Variants in STK17A observed in about 807,000 individuals in gnomAD.
STK17A encodes the protein serine/threonine-protein kinase 17A.
In STK17A, 26 loss-of-function variants were observed where a neutral mutation model predicts 43.7. The observed-to-expected ratio is 0.60, with a 90% confidence interval of 0.44 to 0.83. The LOEUF is 0.83. STK17A is among the 40% of genes least tolerant of loss of function. STK17A has a pLI of 0.00. For synonymous variants in STK17A, 191 were observed against 182.5 expected (o/e 1.05, Z -0.38); for missense variants, 476 against 511.6 (o/e 0.93, Z 0.67).
intron 2 of STK17A, among the ~76,000 whole-genome samples, chr7:43,604,505 C>T (rs137995981): frequency 6.6e-6 from 1 of 152,290 alleles, no homozygotes; most frequent in African/African-American, 2.4e-5. Flanking sequence ...ATTCTTGGCA[C>T]ACTGCTTTTT....
chr7:43,599,845 A>G (rs80298141), intron 2 of STK17A, among the ~76,000 whole-genome samples: 130 of 152,256 alleles, frequency 8.5e-4, no homozygotes, highest in African/African-American at 2.9e-3. Flanking sequence ...TCAGAACCCC[A>G]GGGAGTGGGA....
Position 43,623,846 on chromosome 7 carries a change from C to T in STK17A, c.878C>T (p.Ser293Leu), listed in dbSNP as rs770191727. The T allele has an allele frequency of 5.0e-6, 8 of 1,594,024 alleles. No homozygotes were observed. The highest frequency in any genetic ancestry group is 1.3e-5 in the African/African-American group (1 of 74,428). The change falls in exon 6 of 7, where the codon TCG becomes TTG. Residue 293 changes from serine to leucine, a missense_variant. Ser to Leu is a moderately radical substitution (Grantham distance 145). Transcript: ENST00000319357. Reference protein sequence around the residue: ...SEEEFDVLSESAVDFIRTLLV... With the variant: ...SEEEFDVLSELAVDFIRTLLV... ...GAAGAATTTGATGTTTTGTCTGAGT[C>T]GGCTGTTGATTTCATCAGGACACTT...
At chr7:43,594,899 GA>G (rs751295514) in intron 1 of STK17A, among the ~76,000 whole-genome samples, 9 of 141,488 alleles carry the variant, frequency 6.4e-5, no homozygotes, top group African/African-American at 1.3e-4. Context: ...AAGAAAGAAA[GA>G]AAAGAAAAGA....
At chr7:43,614,827 T>G (rs1464480387) in intron 3 of STK17A, among the ~76,000 whole-genome samples, 2 of 152,236 alleles carry the variant, frequency 1.3e-5, no homozygotes, top group African/African-American at 2.4e-5. Context: ...CACACTGATT[T>G]AGGATTTACA....
intron 1 of STK17A, among the ~76,000 whole-genome samples, chr7:43,587,065 G>A (rs1357150157): frequency 6.7e-6 from 1 of 148,420 alleles, no homozygotes; most frequent in Admixed American, 6.7e-5. Context: ...CACCACACAT[G>A]TTTTTCAAAG....
intron 3 of STK17A, among the ~76,000 whole-genome samples, chr7:43,610,003 T>C (rs2082706637): frequency 6.6e-6 from 1 of 152,196 alleles, no homozygotes; most frequent in Admixed American, 6.5e-5. Flanking sequence ...TGATTCAGGG[T>C]AGGGCAAGGC....
chr7:43,612,147 C>T (rs2082937997), intron 3 of STK17A, among the ~76,000 whole-genome samples: 1 of 152,186 alleles, frequency 6.6e-6, no homozygotes, highest in Admixed American at 6.5e-5. Context: ...ATGACGATGA[C>T]AGGCCTTTGA....
rs1377254973 is a variant in STK17A, at chr7:43,587,139, T to A, written c.206+3690T>A. On this transcript the variant is annotated intron_variant, in intron 1 of 6. Transcript: ENST00000319357. ...CCTGTCATTTTAATGAAATGATATG[T>A]TTTTATTGTTTTTTGTTTTTTTTTT... Among the ~76,000 whole-genome samples, 3 of 143,574 alleles carry A rather than the reference T, an allele frequency of 2.1e-5. 1 individual carries two copies. The highest frequency in any genetic ancestry group is 4.6e-5 in the Non-Finnish European group (3 of 65,228). The allele number at this position is 143,574 out of a possible 152,430, so 94.2% of individuals were successfully genotyped here.
chr7:43,585,479 T>G (rs2152970142), intron 1 of STK17A, among the ~76,000 whole-genome samples: 1 of 151,738 alleles, frequency 6.6e-6, no homozygotes, highest in East Asian at 1.9e-4. Flanking sequence ...TTTTCTTACA[T>G]AAATTTCTTT....
intron 3 of STK17A, among the ~76,000 whole-genome samples, chr7:43,616,751 G>C (rs1229620910): frequency 6.6e-6 from 1 of 151,974 alleles, no homozygotes; most frequent in Non-Finnish European, 1.5e-5. Flanking sequence ...CAAAAAATTA[G>C]CCGGGCGTGG....
chr7:43,606,925 T>C (rs1302443745), intron 2 of STK17A, among the ~76,000 whole-genome samples: 3 of 144,070 alleles, frequency 2.1e-5, no homozygotes, highest in Non-Finnish European at 3.0e-5. Context: ...TCTTTTTTTT[T>C]TTTTTTTTTT....
At position 43,624,893 on chromosome 7, in the gene STK17A, T is replaced by A. The variant is rs750480703; in HGVS notation, c.*51T>A. 20 of 1,477,088 alleles carry A rather than the reference T, an allele frequency of 1.4e-5. No individual in the cohort carries two copies. Among genetic ancestry groups the A allele is most frequent in the Non-Finnish European group, 1.8e-5 (20 of 1,097,234 alleles). The allele number at this position is 1,477,088 out of a possible 1,614,324, so 91.5% of individuals were successfully genotyped here. A position where few individuals can be genotyped will look rare whatever the true frequency, so the allele number is the denominator to read the frequency against. On this transcript the variant is annotated 3_prime_UTR_variant, in exon 7 of 7. Coordinates refer to ENST00000319357, the MANE Select transcript of STK17A (RefSeq NM_004760.3). The stretch of plus-strand genomic sequence containing the variant: ...GATTTCTACATTGAAAATGTTAATA[T>A]TATTTATGGACCTCTGGCCAAATGG...
Position 43,624,770 on chromosome 7 carries a change from A to G in STK17A, c.1173A>G (p.Gln391=), listed in dbSNP as rs1406439793. 6.2e-7 allele frequency: 1 copy of G among 1,613,534 alleles called. No individual in the cohort carries two copies. The highest frequency in any genetic ancestry group is 1.1e-5 in the South Asian group (1 of 90,956). ...CRQSEKEKME[Q]KAISKRFKFE... is the part of the protein sequence containing the mutation. ...AGTCTGAAAAAGAGAAAATGGAGCAAAAGGCCATTTCCAAACGATTTAAAT... is the reference window on the plus strand; with the variant it reads ...AGTCTGAAAAAGAGAAAATGGAGCAGAAGGCCATTTCCAAACGATTTAAAT... The change falls in exon 7 of 7, where the codon CAA becomes CAG. Residue 391 remains glutamine (Q), a synonymous_variant. Transcript: ENST00000319357.
chr7:43,595,162 A>G (rs2082506211), intron 1 of STK17A, among the ~76,000 whole-genome samples: 1 of 151,976 alleles, frequency 6.6e-6, no homozygotes, highest in Non-Finnish European at 1.5e-5. Flanking sequence ...AATGAGTGAG[A>G]TCCTTACCTT....
chr7:43,618,173 C>A (rs146198804), intron 3 of STK17A, among the ~76,000 whole-genome samples: 1 of 152,174 alleles, frequency 6.6e-6, no homozygotes, highest in African/African-American at 2.4e-5. Context: ...ATAGAGTAAG[C>A]ATGCTGTGTA....
chr7:43,627,364 AG>A lies in STK17A; in HGVS notation c.*2525del, dbSNP rs1286964647. ...TCAGTTTGGAAGAAAAATGTATTAA[AG>A]GGTTATAAAGATCACTTAGAGAATG... On this transcript the variant is annotated 3_prime_UTR_variant, in exon 7 of 7. Coordinates refer to ENST00000319357, the MANE Select transcript of STK17A (RefSeq NM_004760.3). 2.0e-5 allele frequency among the ~76,000 whole-genome samples: 3 copies of A among 152,230 alleles called. No homozygotes were observed. The highest frequency in any genetic ancestry group is 4.4e-5 in the Non-Finnish European group (3 of 68,040).
chr7:43,592,153 T>C (rs542667945), intron 1 of STK17A, among the ~76,000 whole-genome samples: 1 of 151,834 alleles, frequency 6.6e-6, no homozygotes, highest in African/African-American at 2.4e-5. Flanking sequence ...ATCAAATTAA[T>C]AACAATTGTT....
chr7:43,604,965 A>G (rs1255947779), intron 2 of STK17A, among the ~76,000 whole-genome samples: 2 of 152,182 alleles, frequency 1.3e-5, no homozygotes, highest in Non-Finnish European at 2.9e-5. Flanking sequence ...CTGATCTGCT[A>G]TAAAGACTAT....
At chr7:43,584,367 C>G (rs2082424697) in intron 1 of STK17A, among the ~76,000 whole-genome samples, 2 of 152,234 alleles carry the variant, frequency 1.3e-5, no homozygotes, top group Admixed American at 1.3e-4. Context: ...ACTCTCCAGC[C>G]TCACTTTCCT....
Sources: gnomAD v4.1 joint callset for allele counts (sites outside exome capture counted in the v4.1 genomes callset) on GRCh38, gnomAD v4.1.1 for gene constraint, MANE v1.5 for transcripts, NCBI Gene and HGNC (gene_info 2026-07-23, HGNC 2026-07-21) for gene names.